LRPAP1: variants seen among roughly 807,000 people sequenced by gnomAD.
LRPAP1 encodes the protein LDL receptor related protein associated protein 1.
Under a neutral mutation model 39.9 loss-of-function variants are expected in LRPAP1, and 41 were observed. The ratio of observed to expected loss-of-function variants is 1.03; its 90% confidence interval spans 0.80 to 1.33. The LOEUF is 1.33. Among genes scored for constraint, LRPAP1 ranks in the 40% most tolerant of loss-of-function variants. The pLI, the probability that LRPAP1 is intolerant of heterozygous loss-of-function variation, is 0.00. For synonymous variants in LRPAP1, 263 were observed against 212.7 expected, an observed-to-expected ratio of 1.24 and a Z score of -2.06; for missense variants, 565 against 482.3, an observed-to-expected ratio of 1.17 and a Z score of -1.61.
chr4:3,504,969 A>G lies in LRPAP1; in HGVS notation c.*8005T>C, dbSNP rs1308890891. The stretch of plus-strand genomic sequence containing the variant: ...CTCAAGAAAAAAATAAATAACAAAG[A>G]ACAGAAGACAACATGACCCCACAAG... On this transcript the variant is annotated 3_prime_UTR_variant, in exon 8 of 8. Transcript: ENST00000650182. Among the ~76,000 whole-genome samples the G allele has an allele frequency of 1.3e-5, 2 of 152,088 alleles. No individual in the cohort carries two copies. The highest frequency in any genetic ancestry group is 4.8e-5 in the African/African-American group (2 of 41,422).
Position 3,514,917 on chromosome 4 carries a change from C to A in LRPAP1, c.846G>T (p.Lys282Asn). 1 of 1,613,676 alleles carries A rather than the reference C, an allele frequency of 6.2e-7. No individual in the cohort carries two copies. Among genetic ancestry groups the A allele is most frequent in the Non-Finnish European group, 8.5e-7 (1 of 1,179,824 alleles). The change falls in exon 7 of 8, where the codon AAG (lysine) becomes AAT (asparagine). Residue 282 changes from lysine to asparagine, a missense_variant. Physicochemically the swap from Lys to Asn is moderately conservative, Grantham distance 94. Transcript: ENST00000650182. Reference sequence around the variant, plus strand: ...GCTTCTCGATTTTGGCTTCGAAGTGCTTGAGCTCCTCCTGGAACAAGGTTT... The same window carrying A: ...GCTTCTCGATTTTGGCTTCGAAGTGATTGAGCTCCTCCTGGAACAAGGTTT... ...KELEAFREEL[K>N]HFEAKIEKHN...
intron 1 of LRPAP1, among the ~76,000 whole-genome samples, chr4:3,527,622 G>A (rs543419870): frequency 7.2e-4 from 110 of 152,370 alleles, no homozygotes; most frequent in African/African-American, 2.5e-3. Context: ...CCCTGGGGCA[G>A]GCAATTCAGG....
chr4:3,530,506 A>C (rs1042249397), intron 1 of LRPAP1, among the ~76,000 whole-genome samples: 1 of 152,228 alleles, frequency 6.6e-6, no homozygotes, highest in Non-Finnish European at 1.5e-5. Flanking sequence ...TCAGGACTTA[A>C]AGGGACCAGA....
chr4:3,520,818 A>T (rs1419731348), intron 2 of LRPAP1, among the ~76,000 whole-genome samples: 1 of 152,212 alleles, frequency 6.6e-6, no homozygotes, highest in Non-Finnish European at 1.5e-5. Context: ...GCTGTGGCCC[A>T]GCCACTCGGG....
chr4:3,518,239 T>C, intron 4 of LRPAP1, 47 bp from the exon 5 acceptor site: 1 of 1,571,718 alleles, frequency 6.4e-7, no homozygotes, highest in South Asian at 1.2e-5. Context: ...GTCCTCGCAC[T>C]GCCTGCCCAG....
At position 3,512,708 on chromosome 4, in the gene LRPAP1, C is replaced by A. The variant is rs937192501; in HGVS notation, c.*266G>T. ...CAGCAGCTGGACATCGAGGTCCTCA[C>A]TGGGGTGGTGACTGCCACGCTGATG... On this transcript the variant is annotated 3_prime_UTR_variant, in exon 8 of 8. Transcript: ENST00000650182. 1.8e-5 allele frequency: 9 copies of A among 506,344 alleles called. No individual in the cohort carries two copies. The highest frequency in any genetic ancestry group is 1.5e-4 in the African/African-American group (8 of 52,076). 31.4% of individuals were successfully genotyped at this position (506,344 alleles called of 1,614,324 possible). A position where few individuals can be genotyped will look rare whatever the true frequency, so the allele number is the denominator to read the frequency against.
In LRPAP1 at chr4:3,518,015, G is replaced by A. The variant is rs1255382997; in HGVS notation, c.751+19C>T. ...ACGGCCCCACCCTCGGGAACCAACA[G>A]TCCCGGGCGGGCACTCACCAGCCTC... On this transcript the variant is annotated intron_variant, in intron 5 of 7. Transcript: ENST00000650182. The A allele has an allele frequency of 6.3e-7, 1 of 1,586,362 alleles. No individual in the cohort carries two copies. Among genetic ancestry groups the A allele is most frequent in the Non-Finnish European group, 8.6e-7 (1 of 1,166,956 alleles).
intron 5 of LRPAP1, among the ~76,000 whole-genome samples, chr4:3,517,296 G>T (rs1741549): frequency 0.21 from 32,144 of 152,272 alleles, 3,988 homozygotes; most frequent in East Asian, 0.51. Flanking sequence ...TCCTGGAGAC[G>T]AGGCGGTGGC....
Position 3,515,709 on chromosome 4 carries a change from C to G in LRPAP1, c.834+407G>C, listed in dbSNP as rs540077924. Among the ~76,000 whole-genome samples the G allele has an allele frequency of 7.9e-5, 12 of 152,272 alleles. No homozygotes were observed. The East Asian group carries it at 2.3e-3, about 29-fold the overall frequency. On this transcript the variant is annotated intron_variant, in intron 6 of 7. Transcript: ENST00000650182. Reference sequence around the variant, plus strand: ...TGGCACTCCACACGCCCCAGGAGCCCCTGCCACCTGAGGTGGTCTCCTTCC... The same window carrying G: ...TGGCACTCCACACGCCCCAGGAGCCGCTGCCACCTGAGGTGGTCTCCTTCC...
intron 1 of LRPAP1, among the ~76,000 whole-genome samples, chr4:3,531,316 G>A (rs970437540): frequency 5.9e-5 from 9 of 152,140 alleles, no homozygotes; most frequent in Admixed American, 2.0e-4. Context: ...CGTTCCAAAA[G>A]TTCCTTCTTA....
intron 5 of LRPAP1, among the ~76,000 whole-genome samples, chr4:3,517,075 C>G (rs1051109343): frequency 6.6e-6 from 1 of 152,130 alleles, no homozygotes; most frequent in Non-Finnish European, 1.5e-5. Flanking sequence ...CGCAGGCCTA[C>G]AAGGTGGTCC....
chr4:3,518,915 A>T lies in LRPAP1; in HGVS notation c.548T>A (p.Val183Asp), dbSNP rs1577206660. 1.2e-6 allele frequency: 2 copies of T among 1,613,650 alleles called. No homozygotes were observed. Among genetic ancestry groups the T allele is most frequent in the South Asian group, 2.2e-5 (2 of 91,034 alleles). ...CTCCAGCAGGACGTTGTACTCGTGA[A>T]CTTTCTCTTTGTGATGCAGGAACTC... ...WREFLHHKEK[V>D]HEYNVLLETL... The change falls in exon 4 of 8, where the codon GTT becomes GAT. Residue 183 changes from valine to aspartate, a missense_variant. Coordinates refer to ENST00000650182, the MANE Select transcript of LRPAP1 (RefSeq NM_002337.4).
Position 3,514,939 on chromosome 4 carries a change from G to C in LRPAP1, c.835-11C>G, listed in dbSNP as rs1187687826. ...GTGCTTGAGCTCCTCCTGGAACAAGGTTTCCATAGGTGAGTGTTCCCTTCC... is the reference window on the plus strand; with the variant it reads ...GTGCTTGAGCTCCTCCTGGAACAAGCTTTCCATAGGTGAGTGTTCCCTTCC... On this transcript the variant is annotated splice_polypyrimidine_tract_variant and intron_variant, in intron 6 of 7. Transcript: ENST00000650182. The C allele has an allele frequency of 6.2e-7, 1 of 1,612,508 alleles. No homozygotes were observed. Among genetic ancestry groups the C allele is most frequent in the Non-Finnish European group, 8.5e-7 (1 of 1,179,136 alleles).
intron 1 of LRPAP1, among the ~76,000 whole-genome samples, chr4:3,531,217 C>G (rs142665277): frequency 1.1e-3 from 164 of 152,270 alleles, no homozygotes; most frequent in African/African-American, 3.9e-3. Context: ...GCCTGTGGAG[C>G]TGATGCCCAG....
At chr4:3,516,082 A>C in intron 6 of LRPAP1, 34 bp downstream of exon 6, 1 of 1,547,762 alleles carries the variant, frequency 6.5e-7, no homozygotes, top group Non-Finnish European at 8.8e-7. Context: ...TCACCACAGG[A>C]GAGAGCTAGA....
In LRPAP1 at chr4:3,528,574, T is replaced by C. The variant is rs557260645; in HGVS notation, c.205-3523A>G. ...GTTCCAATGCCACCAGGACCGCCAA[T>C]GGACCACCTCTTCAGAGGGCATGTG... On this transcript the variant is annotated intron_variant, in intron 1 of 7. Transcript: ENST00000650182. Among the ~76,000 whole-genome samples, 12 of 152,306 alleles carry C rather than the reference T, an allele frequency of 7.9e-5. No homozygotes were observed. In the East Asian group the frequency reaches 1.9e-3, roughly 25 times the overall value.
chr4:3,520,788 GAATA>G (rs747661891), intron 2 of LRPAP1, among the ~76,000 whole-genome samples: 1 of 152,366 alleles, frequency 6.6e-6, no homozygotes, highest in East Asian at 1.9e-4. Context: ...CAGCCAGGAG[GAATA>G]AATAGTCTGC....
intron 2 of LRPAP1, among the ~76,000 whole-genome samples, chr4:3,521,180 C>T (rs1729898530): frequency 6.6e-6 from 1 of 152,170 alleles, no homozygotes; most frequent in Admixed American, 6.5e-5. Context: ...CCTGCCCGCC[C>T]TTTCCTGGGG....
Position 3,511,862 on chromosome 4 carries a change from T to C in LRPAP1, c.*1112A>G, listed in dbSNP as rs1394169527. On this transcript the variant is annotated 3_prime_UTR_variant, in exon 8 of 8. Transcript: ENST00000650182. ...ACGCCCAGAGCCGGACCCGAGCCTC[T>C]TCCAGGCTCAGACACGGGAAGGGAA... The C allele has an allele frequency of 7.1e-6, 1 of 139,884 alleles. No homozygotes were observed. Among genetic ancestry groups the C allele is most frequent in the East Asian group, 2.1e-4 (1 of 4,798 alleles). 8.7% of individuals were successfully genotyped at this position (139,884 alleles called of 1,614,324 possible).
Sources: gnomAD v4.1 joint callset for allele counts (sites outside exome capture counted in the v4.1 genomes callset) on GRCh38, gnomAD v4.1.1 for gene constraint, MANE v1.5 for transcripts, NCBI Gene and HGNC (gene_info 2026-07-23, HGNC 2026-07-21) for gene names.